Variants in SIPA1L2 observed in about 807,000 individuals in gnomAD.
The protein encoded by SIPA1L2 is signal induced proliferation associated 1 like 2.
SIPA1L2 carries 56 observed loss-of-function variants against 163.9 expected under a neutral mutation model. The observed-to-expected ratio is 0.34, with a 90% CI of 0.28 to 0.43. The LOEUF is 0.43. Ranked by LOEUF, SIPA1L2 falls within the 20% of genes least tolerant of loss-of-function variation. The probability of loss-of-function intolerance (pLI) is 1.00; values close to 1 mark genes in which losing one functional copy is unlikely to be tolerated. For missense variants in SIPA1L2, 1,974 were observed against 2,193.5 expected, an observed-to-expected ratio of 0.90 and a Z score of 2.00; for synonymous variants, 877 against 865.7, an observed-to-expected ratio of 1.01 and a Z score of -0.23.
intron 19 of SIPA1L2, among the ~76,000 whole-genome samples, chr1:232,415,079 TTC>T (rs575969984): frequency 7.0e-4 from 106 of 152,320 alleles, no homozygotes; most frequent in Non-Finnish European, 1.1e-3. Context: ...GTGAACAGAC[TTC>T]TCGGCCTGTG....
chr1:232,398,557 CT>C lies in SIPA1L2; in HGVS notation c.*569del, dbSNP rs560866466. 1,991 of 137,428 alleles carry C rather than the reference CT, an allele frequency of 0.014. 11 individuals carry two copies. The highest frequency in any genetic ancestry group is 0.028 in the African/African-American group (1,053 of 37,430). 8.5% of individuals were successfully genotyped at this position (137,428 alleles called of 1,614,324 possible). On this transcript the variant is annotated 3_prime_UTR_variant, in exon 23 of 23. Coordinates refer to ENST00000674635, the MANE Select transcript of SIPA1L2 (RefSeq NM_020808.5). ...TGAACTAGTGTTAAACACAACAGTG[CT>C]TTTTTTTTTTTTTAATCCCCCCACA...
At chr1:232,572,632 T>C (rs1221995005) in intron 2 of SIPA1L2, among the ~76,000 whole-genome samples, 2 of 150,282 alleles carry the variant, frequency 1.3e-5, no homozygotes, top group Non-Finnish European at 1.5e-5. Context: ...AGTGGTATTC[T>C]GTCACAGTTT....
intron 6 of SIPA1L2, 121 bp from the exon 7 acceptor site, chr1:232,479,851 A>G (rs1166392683): frequency 6.9e-6 from 5 of 719,822 alleles, no homozygotes; most frequent in Non-Finnish European, 1.2e-5. Flanking sequence ...CCCAACCAGT[A>G]TCTGGATGCT....
chr1:232,483,160 G>T (rs1465412564), intron 6 of SIPA1L2, among the ~76,000 whole-genome samples: 1 of 152,018 alleles, frequency 6.6e-6, no homozygotes, highest in Non-Finnish European at 1.5e-5. Flanking sequence ...CCATGTTTTG[G>T]ATTGGTCAGT....
chr1:232,436,263 T>G (rs925084248), intron 15 of SIPA1L2, among the ~76,000 whole-genome samples: 1 of 152,184 alleles, frequency 6.6e-6, no homozygotes, highest in African/African-American at 2.4e-5. Flanking sequence ...GCGAACAAGA[T>G]AGGCCACGAC....
Position 232,572,777 on chromosome 1 carries a change from ATATTTATT to A in SIPA1L2, c.-270+1389_-270+1396del, listed in dbSNP as rs202195815. ...TATATATATATATATATATATATAT[ATATTTATT>A]TATTTATTTTTTCCTTGAGACAAAG... is the stretch of plus-strand genomic sequence containing the variant. On this transcript the variant is annotated intron_variant, in intron 2 of 22. Transcript: ENST00000674635. Among the ~76,000 whole-genome samples the A allele has an allele frequency of 9.6e-4, 69 of 72,038 alleles. No individual in the cohort carries two copies. The East Asian group carries it at 0.01, about 11-fold the overall frequency. The allele number at this position is 72,038 out of a possible 152,430, so 47.3% of individuals were successfully genotyped here.
chr1:232,607,283 T>C (rs1661974203), intron 1 of SIPA1L2, among the ~76,000 whole-genome samples: 1 of 152,176 alleles, frequency 6.6e-6, no homozygotes, highest in Non-Finnish European at 1.5e-5. Context: ...ACCAAGAAAA[T>C]GTTTTCATTT....
chr1:232,577,848 G>T (rs1471426832), intron 1 of SIPA1L2, among the ~76,000 whole-genome samples: 1 of 152,196 alleles, frequency 6.6e-6, no homozygotes, highest in Admixed American at 6.5e-5. Flanking sequence ...AGGTGAAGAT[G>T]ATATGAACAT....
chr1:232,579,740 C>T (rs903806085), intron 1 of SIPA1L2, among the ~76,000 whole-genome samples: 1 of 152,172 alleles, frequency 6.6e-6, no homozygotes, highest in Admixed American at 6.5e-5. Flanking sequence ...TCTTCACTCT[C>T]CAAGCTCGAT....
At chr1:232,466,423 A>T (rs963946464) in intron 8 of SIPA1L2, among the ~76,000 whole-genome samples, 3 of 152,230 alleles carry the variant, frequency 2.0e-5, no homozygotes, top group African/African-American at 7.2e-5. Context: ...GCTCCCCTAC[A>T]TCAGAGAGTT....
Position 232,460,998 on chromosome 1 carries a change from C to T in SIPA1L2, c.2984G>A (p.Cys995Tyr). The T allele has an allele frequency of 6.2e-7, 1 of 1,614,148 alleles. No individual in the cohort carries two copies. The highest frequency in any genetic ancestry group is 8.5e-7 in the Non-Finnish European group (1 of 1,180,028). Reference sequence around the variant, plus strand: ...GGTCAGAGTGGCCACGGCTACTTTGCAGATCTCCACGAGGCGGCTCCCTTG... The same window carrying T: ...GGTCAGAGTGGCCACGGCTACTTTGTAGATCTCCACGAGGCGGCTCCCTTG... ...LRQGSRLVEICKVAVATLTHE... is the reference protein window; with the variant it reads ...LRQGSRLVEIYKVAVATLTHE... The change falls in exon 10 of 23, where the codon TGC becomes TAC. Residue 995 changes from cysteine (C) to tyrosine (Y), a missense_variant. Around this residue, in one of 3 missense-constraint regions of SIPA1L2, gnomAD observed 1,079 missense variants for 1,150.7 expected, o/e 0.94. Transcript: ENST00000674635.
At chr1:232,455,234 C>T (rs912746857) in intron 10 of SIPA1L2, among the ~76,000 whole-genome samples, 4 of 152,214 alleles carry the variant, frequency 2.6e-5, no homozygotes, top group African/African-American at 9.6e-5. Flanking sequence ...CATAAGACAA[C>T]ACTAGACATA....
chr1:232,450,219 T>G (rs1663490037), intron 10 of SIPA1L2, among the ~76,000 whole-genome samples: 3 of 152,248 alleles, frequency 2.0e-5, no homozygotes, highest in Admixed American at 1.3e-4. Flanking sequence ...TTACTGAGTT[T>G]AACAGTTACA....
Position 232,464,881 on chromosome 1 carries a change from T to C in SIPA1L2, c.2779A>G (p.Asn927Asp). The change falls in exon 9 of 23, where the codon AAC becomes GAC. Residue 927 changes from asparagine (N) to aspartate (D), a missense_variant. This residue lies in a region of SIPA1L2 where 1,079 missense variants were observed against 1,150.7 expected (regional missense o/e 0.94). Transcript: ENST00000674635. ...GECVLLSSVD[N>D]CAEDIREIVQ... ...ATTTCCCTGATGTCTTCAGCACAGT[T>C]GTCTACCGAGGACAGGAGGACACAT... The C allele has an allele frequency of 6.2e-7, 1 of 1,613,448 alleles. No individual in the cohort carries two copies. The highest frequency in any genetic ancestry group is 1.1e-5 in the South Asian group (1 of 90,902).
chr1:232,428,660 C>T (rs978796152), intron 16 of SIPA1L2, 96 bp from the exon 17 acceptor site: 14 of 877,960 alleles, frequency 1.6e-5, no homozygotes, highest in South Asian at 6.3e-5. Flanking sequence ...CAGCCACAAA[C>T]GCATACAAAC....
Position 232,515,375 on chromosome 1 carries a change from A to T in SIPA1L2, c.-36T>A, listed in dbSNP as rs781125946. On this transcript the variant is annotated 5_prime_UTR_variant, in exon 3 of 23. Coordinates refer to ENST00000674635, the MANE Select transcript of SIPA1L2 (RefSeq NM_020808.5). ...GAAGAGCCTCCAAGTCTCACCAGGA[A>T]GACTGATGTAAATCTAATTACATTG... 2.6e-6 allele frequency: 4 copies of T among 1,531,834 alleles called. No individual in the cohort carries two copies. The highest frequency in any genetic ancestry group is 3.5e-6 in the Non-Finnish European group (4 of 1,142,620). The allele number at this position is 1,531,834 out of a possible 1,614,324, so 94.9% of individuals were successfully genotyped here.
chr1:232,458,164 G>GAA (rs71727045), intron 10 of SIPA1L2, among the ~76,000 whole-genome samples: 15,314 of 151,744 alleles, frequency 0.1, 1,887 homozygotes, highest in East Asian at 0.57. Flanking sequence ...GATTAATTGG[G>GAA]AAAAAAAACC....
chr1:232,499,302 G>A (rs1366408293), intron 3 of SIPA1L2, among the ~76,000 whole-genome samples: 4 of 152,200 alleles, frequency 2.6e-5, no homozygotes, highest in East Asian at 1.9e-4. Flanking sequence ...AGTGAACCAA[G>A]TAGTGAATGC....
intron 1 of SIPA1L2, among the ~76,000 whole-genome samples, chr1:232,580,144 C>T (rs1660297996): frequency 6.6e-6 from 1 of 152,116 alleles, no homozygotes; most frequent in Non-Finnish European, 1.5e-5. Flanking sequence ...GCAAGCAATC[C>T]AAGAAGTCAC....
Sources: gnomAD v4.1 joint callset for allele counts (sites outside exome capture counted in the v4.1 genomes callset) on GRCh38, gnomAD v4.1.1 for gene constraint, gnomAD v4.1.1 regional missense constraint, MANE v1.5 for transcripts, NCBI Gene and HGNC (gene_info 2026-07-23, HGNC 2026-07-21) for gene names.